The following HMBOX1 variants were observed in gnomAD, a reference collection of about 807,000 sequenced individuals.
HMBOX1 encodes homeobox containing 1, also known as homeobox-containing protein 1.
In HMBOX1, 14 loss-of-function variants were observed where a neutral mutation model predicts 54.5. That is an observed-to-expected ratio of 0.26 (90% CI 0.17 to 0.40). The LOEUF (loss-of-function observed/expected upper bound fraction) is 0.40. HMBOX1 is among the 10% of genes least tolerant of loss of function. HMBOX1 has a pLI of 1.00. For synonymous variants in HMBOX1, 160 were observed against 181.0 expected, an observed-to-expected ratio of 0.88 and a Z score of 0.93; for missense variants, 332 against 514.4, an observed-to-expected ratio of 0.65 and a Z score of 3.43.
chr8:28,971,311 G>A (rs1402441673), intron 3 of HMBOX1, among the ~76,000 whole-genome samples: 1 of 151,834 alleles, frequency 6.6e-6, no homozygotes. Context: ...GGCTGGTCTC[G>A]AACTCCTGAT....
intron 1 of HMBOX1, among the ~76,000 whole-genome samples, chr8:28,959,346 G>T (rs749122757): frequency 6.6e-6 from 1 of 152,102 alleles, no homozygotes; most frequent in Non-Finnish European, 1.5e-5. Flanking sequence ...AGTGAGTAAG[G>T]GTCAGGTAGG....
At chr8:29,021,288 G>C (rs903414729) in intron 6 of HMBOX1, among the ~76,000 whole-genome samples, 3 of 152,132 alleles carry the variant, frequency 2.0e-5, no homozygotes, top group African/African-American at 4.8e-5. Flanking sequence ...AAGAAAACAT[G>C]AGTGGTCCCT....
At chr8:29,049,533 C>T (rs1806126214) in intron 9 of HMBOX1, 2 of 1,308,816 alleles carry the variant, frequency 1.5e-6, no homozygotes, top group Non-Finnish European at 2.0e-6. Context: ...GGGAACCCTC[C>T]TGCCCAAAGG....
At chr8:28,981,156 C>G (rs952121700) in intron 4 of HMBOX1, among the ~76,000 whole-genome samples, 57 of 152,234 alleles carry the variant, frequency 3.7e-4, no homozygotes, top group African/African-American at 1.3e-3. Context: ...AAAAATGAAA[C>G]ACCAGAGTTT....
chr8:28,951,419 C>G (rs1351566016), intron 1 of HMBOX1, among the ~76,000 whole-genome samples: 1 of 152,218 alleles, frequency 6.6e-6, no homozygotes, highest in African/African-American at 2.4e-5. Context: ...GCGTGAGCCA[C>G]TGCGCCCGGC....
At chr8:28,910,190 G>T (rs1815144042) in intron 1 of HMBOX1, among the ~76,000 whole-genome samples, 1 of 152,040 alleles carries the variant, frequency 6.6e-6, no homozygotes, top group Admixed American at 6.5e-5. Flanking sequence ...TTTTGTTTCT[G>T]GTCTCTTTGA....
At chr8:28,953,888 TA>T (rs886631784) in intron 1 of HMBOX1, among the ~76,000 whole-genome samples, 7 of 152,142 alleles carry the variant, frequency 4.6e-5, no homozygotes, top group Admixed American at 4.6e-4. Flanking sequence ...AACCACCAGT[TA>T]AAAAAAGAGT....
chr8:28,950,532 C>T (rs1341719620), intron 1 of HMBOX1, among the ~76,000 whole-genome samples: 3 of 152,178 alleles, frequency 2.0e-5, no homozygotes, highest in Non-Finnish European at 1.5e-5. Context: ...TAAACAGTGG[C>T]GGCTCCTTAG....
At chr8:28,987,260 GT>G (rs1256721879) in intron 4 of HMBOX1, among the ~76,000 whole-genome samples, 1 of 152,080 alleles carries the variant, frequency 6.6e-6, no homozygotes, top group Non-Finnish European at 1.5e-5. Flanking sequence ...TCCAGTTCTT[GT>G]TTCCTAAGAT....
At chr8:28,946,658 G>A (rs1053623880) in intron 1 of HMBOX1, among the ~76,000 whole-genome samples, 7 of 151,912 alleles carry the variant, frequency 4.6e-5, no homozygotes, top group Admixed American at 2.6e-4. Context: ...AAGAGCATGC[G>A]ATATAAATTT....
intron 9 of HMBOX1, 79 bp from the exon 10 acceptor site, chr8:29,050,939 C>T (rs2133412577): frequency 1.4e-6 from 2 of 1,445,888 alleles, no homozygotes; most frequent in East Asian, 2.3e-5. Flanking sequence ...GTTCTGCCTC[C>T]CCTTGCCCCA....
intron 4 of HMBOX1, among the ~76,000 whole-genome samples, chr8:28,980,391 A>G (rs1829144714): frequency 2.0e-5 from 3 of 152,150 alleles, no homozygotes; most frequent in East Asian, 1.9e-4. Flanking sequence ...AAAATTCCCT[A>G]TTTTGTGGCT....
At chr8:28,978,595 C>T (rs550958434) in intron 3 of HMBOX1, among the ~76,000 whole-genome samples, 114 of 152,104 alleles carry the variant, frequency 7.5e-4, no homozygotes, top group African/African-American at 2.7e-3. Context: ...CCAGCCCGGC[C>T]AACCAACATG....
At chr8:29,000,889 C>G (rs1273240696) in intron 4 of HMBOX1, among the ~76,000 whole-genome samples, 3 of 152,176 alleles carry the variant, frequency 2.0e-5, no homozygotes, top group African/African-American at 7.2e-5. Context: ...TACCAAAATT[C>G]AGCATTTTTT....
At chr8:29,023,195 A>G (rs1238946866) in intron 6 of HMBOX1, among the ~76,000 whole-genome samples, 2 of 152,206 alleles carry the variant, frequency 1.3e-5, no homozygotes, top group Non-Finnish European at 2.9e-5. Context: ...TGTCAGTGCA[A>G]AGGAAAAGAG....
rs189209413 is a variant in HMBOX1 at position 28,939,596 on chromosome 8, C to A, written c.-57-24215C>A. 4.6e-5 allele frequency among the ~76,000 whole-genome samples: 7 copies of A among 152,006 alleles called. No homozygotes were observed. In the East Asian group the frequency reaches 1.2e-3, roughly 25 times the overall value. On this transcript the variant is annotated intron_variant, in intron 1 of 9. Transcript: ENST00000287701. Reference sequence around the variant, plus strand: ...CATCTCGGCTCACTGCAATCTCCGCCCCCCCTGGGTTCAAGTAATTCTCCT... The same window carrying A: ...CATCTCGGCTCACTGCAATCTCCGCACCCCCTGGGTTCAAGTAATTCTCCT...
intron 1 of HMBOX1, among the ~76,000 whole-genome samples, chr8:28,898,226 G>A (rs1221916305): frequency 1.1e-5 from 1 of 92,980 alleles, no homozygotes; most frequent in Non-Finnish European, 2.2e-5. Context: ...TGTCAATACT[G>A]TGATAATTTC....
chr8:29,013,582 A>G (rs1027110134), intron 5 of HMBOX1, among the ~76,000 whole-genome samples: 7 of 152,250 alleles, frequency 4.6e-5, no homozygotes, highest in African/African-American at 1.7e-4. Context: ...GATATAGTGT[A>G]GTTCTCTGAT....
At chr8:29,018,578 T>C (rs1258418253) in intron 5 of HMBOX1, among the ~76,000 whole-genome samples, 182 bp from the exon 6 acceptor site, 2 of 152,198 alleles carry the variant, frequency 1.3e-5, no homozygotes, top group African/African-American at 2.4e-5. Context: ...ATCTGAGGTA[T>C]ATTGTTCAAA....
Sources: allele counts gnomAD v4.1 joint callset (sites outside exome capture counted in the v4.1 genomes callset), GRCh38; gene constraint gnomAD v4.1.1; transcripts MANE v1.5; gene names NCBI Gene and HGNC (gene_info 2026-07-23, HGNC 2026-07-21).